The following CADM2 variants were observed in gnomAD, a reference collection of about 807,000 sequenced individuals.
CADM2 encodes immunoglobulin superfamily member 4D.
In CADM2, 12 loss-of-function variants were observed where a neutral mutation model predicts 49.8. That is an observed-to-expected ratio of 0.24 (90% CI 0.15 to 0.39). CADM2 has a LOEUF of 0.39. CADM2 is among the 10% of genes least tolerant of loss of function. The pLI is 1.00. For missense variants in CADM2, 378 were observed against 492.3 expected, an observed-to-expected ratio of 0.77 and a Z score of 2.20; for synonymous variants, 214 against 175.4, an observed-to-expected ratio of 1.22 and a Z score of -1.74.
intron 1 of CADM2, among the ~76,000 whole-genome samples, chr3:85,333,387 T>A (rs891463068): frequency 3.1e-4 from 47 of 151,952 alleles, no homozygotes; most frequent in Non-Finnish European, 5.6e-4. Flanking sequence ...AAAGTTTACA[T>A]AATTTGATTA....
At chr3:86,013,102 T>G (rs949503356) in intron 8 of CADM2, 2 of 1,342,544 alleles carry the variant, frequency 1.5e-6, no homozygotes, top group Non-Finnish European at 2.1e-6. Flanking sequence ...CCAACAATAT[T>G]TGATCTTACA....
intron 1 of CADM2, among the ~76,000 whole-genome samples, chr3:85,091,869 T>G (rs1472002907): frequency 6.6e-6 from 1 of 152,150 alleles, no homozygotes; most frequent in Non-Finnish European, 1.5e-5. Flanking sequence ...GAGTCACATA[T>G]AATAAGTATG....
At chr3:85,091,648 A>T (rs2037602201) in intron 1 of CADM2, among the ~76,000 whole-genome samples, 1 of 152,174 alleles carries the variant, frequency 6.6e-6, no homozygotes, top group South Asian at 2.1e-4. Flanking sequence ...ATATTTAGAA[A>T]ACATTTTTAG....
intron 1 of CADM2, among the ~76,000 whole-genome samples, chr3:85,188,669 A>T (rs939496919): frequency 6.6e-6 from 1 of 152,072 alleles, no homozygotes; most frequent in Non-Finnish European, 1.5e-5. Flanking sequence ...GTAGGATTAC[A>T]TTTCATTATC....
chr3:85,886,714 C>T (rs1397492201), intron 5 of CADM2, among the ~76,000 whole-genome samples: 1 of 152,082 alleles, frequency 6.6e-6, no homozygotes, highest in African/African-American at 2.4e-5. Context: ...ATTATTTCTT[C>T]AACTTAGTTT....
intron 2 of CADM2, among the ~76,000 whole-genome samples, chr3:85,779,186 CTGAGT>C (rs2070507032): frequency 6.7e-6 from 1 of 150,068 alleles, no homozygotes; most frequent in African/African-American, 2.5e-5. Flanking sequence ...TTGCATTCTC[CTGAGT>C]TAATGATTTT....
chr3:85,454,778 C>T (rs986796582), intron 1 of CADM2, among the ~76,000 whole-genome samples: 1 of 152,170 alleles, frequency 6.6e-6, no homozygotes, highest in Non-Finnish European at 1.5e-5. Flanking sequence ...ATGCAACTAT[C>T]GTTGTTGCCT....
intron 5 of CADM2, among the ~76,000 whole-genome samples, chr3:85,889,686 A>G (rs1714155522): frequency 6.6e-6 from 1 of 152,182 alleles, no homozygotes; most frequent in Non-Finnish European, 1.5e-5. Context: ...ACAAGGAATC[A>G]CTGAATACAT....
intron 1 of CADM2, among the ~76,000 whole-genome samples, chr3:85,480,938 C>A (rs1234366904): frequency 6.6e-6 from 1 of 151,416 alleles, no homozygotes; most frequent in African/African-American, 2.4e-5. Flanking sequence ...ATGAATAATC[C>A]TTTTCTTTAT....
Position 86,070,900 on chromosome 3 carries a change from A to G in CADM2, c.*4117A>G, listed in dbSNP as rs1237531881. 2 of 151,904 alleles carry G rather than the reference A, an allele frequency of 1.3e-5. No individual in the cohort carries two copies. The highest frequency in any genetic ancestry group is 2.4e-5 in the African/African-American group (1 of 41,430). 9.4% of individuals were successfully genotyped at this position (151,904 alleles called of 1,614,324 possible). ...TTGTTTTGAAATATACACTGGCAAT[A>G]TTGAAATATACTCAGTGCAATATCT... is the stretch of plus-strand genomic sequence containing the variant. On this transcript the variant is annotated 3_prime_UTR_variant, in exon 10 of 10. Transcript: ENST00000383699.
chr3:85,119,840 A>G (rs2038788537), intron 1 of CADM2, among the ~76,000 whole-genome samples: 1 of 152,080 alleles, frequency 6.6e-6, no homozygotes, highest in African/African-American at 2.4e-5. Flanking sequence ...TGAATTTTGC[A>G]CATTGATTTT....
chr3:85,394,084 C>G (rs1037247642), intron 1 of CADM2, among the ~76,000 whole-genome samples: 1 of 152,070 alleles, frequency 6.6e-6, no homozygotes, highest in African/African-American at 2.4e-5. Flanking sequence ...CGTAAGCCAC[C>G]GCGCCTGGCC....
At chr3:85,962,934 T>C (rs1462506257) in intron 8 of CADM2, among the ~76,000 whole-genome samples, 1 of 151,994 alleles carries the variant, frequency 6.6e-6, no homozygotes, top group Non-Finnish European at 1.5e-5. Context: ...TATGGAATAC[T>C]AAAAGACATA....
At chr3:85,459,482 C>T (rs534070199) in intron 1 of CADM2, among the ~76,000 whole-genome samples, 4 of 152,046 alleles carry the variant, frequency 2.6e-5, no homozygotes, top group East Asian at 1.9e-4. Context: ...AAGGGGACTA[C>T]GCTGTGTCAA....
chr3:86,026,407 G>T (rs1178566872), intron 8 of CADM2, among the ~76,000 whole-genome samples: 2 of 151,714 alleles, frequency 1.3e-5, no homozygotes, highest in Non-Finnish European at 2.9e-5. Flanking sequence ...TGATAAATTA[G>T]ATATAATTAT....
At chr3:85,674,399 A>T (rs1163748533) in intron 1 of CADM2, among the ~76,000 whole-genome samples, 1 of 152,038 alleles carries the variant, frequency 6.6e-6, no homozygotes, top group African/African-American at 2.4e-5. Flanking sequence ...TTTGGTTTTA[A>T]ATTTGAGCTA....
intron 1 of CADM2, among the ~76,000 whole-genome samples, chr3:85,384,381 G>A (rs930408504): frequency 5.3e-5 from 8 of 151,840 alleles, no homozygotes; most frequent in African/African-American, 1.7e-4. Flanking sequence ...CAATGGTACC[G>A]TCTTGCTGCA....
chr3:85,874,101 T>G (rs1711508255), intron 3 of CADM2, among the ~76,000 whole-genome samples: 1 of 152,206 alleles, frequency 6.6e-6, no homozygotes, highest in African/African-American at 2.4e-5. Context: ...AGTTTCTTAA[T>G]TGTACAACAA....
rs140097603 is a variant in CADM2 at position 85,628,217 on chromosome 3, G to A, written c.62-98305G>A. 5.9e-3 allele frequency among the ~76,000 whole-genome samples: 898 copies of A among 152,116 alleles called. 5 individuals are homozygous for A. Among genetic ancestry groups the A allele is most frequent in the South Asian group, 0.02 (96 of 4,822 alleles). Reference sequence around the variant, plus strand: ...ATAATTACATAATAATTCTGCCTTTGCAGAAGGTGCCTCTGCTTTAGGAGT... The same window carrying A: ...ATAATTACATAATAATTCTGCCTTTACAGAAGGTGCCTCTGCTTTAGGAGT... On this transcript the variant is annotated intron_variant, in intron 1 of 9. Coordinates refer to ENST00000383699, the MANE Select transcript of CADM2 (RefSeq NM_001167675.2).
Sources: allele counts gnomAD v4.1 joint callset (sites outside exome capture counted in the v4.1 genomes callset), GRCh38; gene constraint gnomAD v4.1.1; transcripts MANE v1.5; gene names NCBI Gene and HGNC (gene_info 2026-07-23, HGNC 2026-07-21).